The following PCDH15 variants were observed in gnomAD, a reference collection of about 807,000 sequenced individuals.
PCDH15 encodes protocadherin related 15.
Under a neutral mutation model 178.5 loss-of-function variants are expected in PCDH15, and 129 were observed. The observed-to-expected ratio is 0.72, with a 90% CI of 0.63 to 0.84. The LOEUF (loss-of-function observed/expected upper bound fraction) is 0.84, where lower values mean the gene tolerates loss of function less well. PCDH15 is among the 40% of genes least tolerant of loss of function. The pLI is 0.00. For missense variants in PCDH15, 2,230 were observed against 2,099.9 expected, an observed-to-expected ratio of 1.06 and a Z score of -1.21; for synonymous variants, 800 against 732.0, an observed-to-expected ratio of 1.09 and a Z score of -1.50.
At chr10:54,440,527 G>T (rs564124572) in intron 3 of PCDH15, among the ~76,000 whole-genome samples, 3 of 151,438 alleles carry the variant, frequency 2.0e-5, no homozygotes, top group Non-Finnish European at 4.4e-5. Flanking sequence ...TTTTTAATGC[G>T]GTATCAAATT....
intron 3 of PCDH15, among the ~76,000 whole-genome samples, chr10:54,383,610 A>G (rs1949511819): frequency 7.6e-6 from 1 of 131,180 alleles, no homozygotes; most frequent in Admixed American, 8.8e-5. Context: ...CAAGCATACC[A>G]TGCCGTGTAT....
At chr10:55,603,582 C>T (rs1271491432) in intron 2 of PCDH15, among the ~76,000 whole-genome samples, 3 of 151,774 alleles carry the variant, frequency 2.0e-5, no homozygotes, top group Non-Finnish European at 4.4e-5. Context: ...AGAGTGGGGG[C>T]CAATATTCAA....
chr10:54,582,453 ATAAT>A (rs1404847395), intron 2 of PCDH15, among the ~76,000 whole-genome samples: 1 of 152,170 alleles, frequency 6.6e-6, no homozygotes, highest in Non-Finnish European at 1.5e-5. Flanking sequence ...TGGTCAGGTT[ATAAT>A]CAAGACATTA....
chr10:55,359,953 C>G (rs1302749436), intron 2 of PCDH15, among the ~76,000 whole-genome samples: 1 of 151,450 alleles, frequency 6.6e-6, no homozygotes, highest in Admixed American at 6.6e-5. Context: ...TTCATTTAAG[C>G]AGAGAGTAGA....
At chr10:54,930,588 C>G (rs941232035) in intron 2 of PCDH15, among the ~76,000 whole-genome samples, 1 of 152,260 alleles carries the variant, frequency 6.6e-6, no homozygotes, top group Admixed American at 6.5e-5. Context: ...CTAGCTTGGT[C>G]AAGGTAACCT....
chr10:55,191,361 A>G (rs1839940910), intron 1 of PCDH15, among the ~76,000 whole-genome samples: 1 of 151,816 alleles, frequency 6.6e-6, no homozygotes, highest in South Asian at 2.1e-4. Context: ...TTCAGGAGCT[A>G]ATCTGCTACA....
At chr10:55,592,942 T>A (rs1564471168) in intron 2 of PCDH15, among the ~76,000 whole-genome samples, 1 of 152,102 alleles carries the variant, frequency 6.6e-6, no homozygotes, top group Non-Finnish European at 1.5e-5. Flanking sequence ...TTTAAAAGTG[T>A]AAGTCAAATG....
intron 1 of PCDH15, among the ~76,000 whole-genome samples, chr10:54,742,679 A>G (rs1358778466): frequency 6.6e-6 from 1 of 151,992 alleles, no homozygotes; most frequent in Non-Finnish European, 1.5e-5. Context: ...AAGTCGGGAC[A>G]TGTTCTTTCT....
At chr10:55,043,723 TAAATAAATAAATAAATA>T (rs996878401) in intron 2 of PCDH15, among the ~76,000 whole-genome samples, 26 of 146,186 alleles carry the variant, frequency 1.8e-4, no homozygotes, top group South Asian at 6.4e-4. Flanking sequence ...AGAAAATAAA[TAAATAAATAAATAAATA>T]AAATAAATAA....
At chr10:55,454,869 G>A (rs1839517025) in intron 2 of PCDH15, among the ~76,000 whole-genome samples, 1 of 151,100 alleles carries the variant, frequency 6.6e-6, no homozygotes, top group African/African-American at 2.4e-5. Context: ...CACTTGTCAA[G>A]CCTCTTAAAG....
At chr10:54,997,920 G>T (rs1360098245) in intron 2 of PCDH15, among the ~76,000 whole-genome samples, 2 of 152,028 alleles carry the variant, frequency 1.3e-5, no homozygotes, top group South Asian at 4.1e-4. Context: ...TTAAGAAAGG[G>T]TTATGATATG....
chr10:55,136,612 A>G (rs1008125952), intron 2 of PCDH15, among the ~76,000 whole-genome samples: 1 of 152,132 alleles, frequency 6.6e-6, no homozygotes, highest in South Asian at 2.1e-4. Context: ...AGTGAAATAA[A>G]TAAGTTCCTA....
chr10:54,820,596 C>T (rs1351480190), intron 3 of PCDH15, among the ~76,000 whole-genome samples: 1 of 151,974 alleles, frequency 6.6e-6, no homozygotes, highest in African/African-American at 2.4e-5. Flanking sequence ...AGGAAACTAT[C>T]ATTTACGTTA....
intron 1 of PCDH15, among the ~76,000 whole-genome samples, chr10:55,201,972 G>A (rs1170714493): frequency 6.6e-6 from 1 of 151,964 alleles, no homozygotes; most frequent in East Asian, 1.9e-4. Context: ...AAAATTCTGG[G>A]ATAAACTGCT....
intron 3 of PCDH15, among the ~76,000 whole-genome samples, chr10:54,421,401 A>T (rs1052328496): frequency 3.3e-5 from 5 of 151,148 alleles, no homozygotes; most frequent in African/African-American, 1.2e-4. Context: ...AAATAAAATG[A>T]AGTTTAATAT....
At chr10:54,282,551 C>T (rs1401555876) in intron 8 of PCDH15, among the ~76,000 whole-genome samples, 1 of 151,960 alleles carries the variant, frequency 6.6e-6, no homozygotes. Flanking sequence ...CAGTATAATG[C>T]TTCTCTACAA....
intron 2 of PCDH15, among the ~76,000 whole-genome samples, chr10:55,138,877 C>G (rs1838274134): frequency 6.6e-6 from 1 of 151,938 alleles, no homozygotes; most frequent in Non-Finnish European, 1.5e-5. Context: ...CAGTATGTCC[C>G]TTTGTATATT....
intron 2 of PCDH15, among the ~76,000 whole-genome samples, chr10:55,393,876 A>G (rs1290503649): frequency 6.6e-6 from 1 of 152,146 alleles, no homozygotes; most frequent in African/African-American, 2.4e-5. Context: ...GCCAAATGCC[A>G]CCTCATTTTA....
chr10:54,349,459 C>T (rs1943834593), intron 5 of PCDH15, among the ~76,000 whole-genome samples: 1 of 152,098 alleles, frequency 6.6e-6, no homozygotes, highest in Non-Finnish European at 1.5e-5. Flanking sequence ...TTTCTAAATT[C>T]AATATGCAAA....
Sources: gnomAD v4.1 joint callset for allele counts (sites outside exome capture counted in the v4.1 genomes callset) on GRCh38, gnomAD v4.1.1 for gene constraint, MANE v1.5 for transcripts, NCBI Gene and HGNC (gene_info 2026-07-23, HGNC 2026-07-21) for gene names.